Variants in THSD4 observed in about 807,000 individuals in gnomAD.
THSD4 encodes the protein thrombospondin type 1 domain containing 4, also known as thrombospondin type-1 domain-containing protein 4.
Under a neutral mutation model 119.0 loss-of-function variants are expected in THSD4, and 69 were observed. That is an observed-to-expected ratio of 0.58 (90% CI 0.48 to 0.71). The LOEUF is 0.71. Ranked by LOEUF, THSD4 falls within the 30% of genes least tolerant of loss-of-function variation. THSD4 has a pLI of 0.00. For missense variants in THSD4, 1,393 were observed against 1,391.1 expected (o/e 1.00, Z -0.02); for synonymous variants, 524 against 540.4 (o/e 0.97, Z 0.42).
intron 7 of THSD4, among the ~76,000 whole-genome samples, chr15:71,558,699 G>A (rs1373432038): frequency 6.6e-6 from 1 of 152,078 alleles, no homozygotes; most frequent in Non-Finnish European, 1.5e-5. Context: ...TTGGACTTCT[G>A]GGCTCAAGCA....
intron 7 of THSD4, among the ~76,000 whole-genome samples, chr15:71,470,363 A>G (rs2047558414): frequency 6.6e-6 from 1 of 152,192 alleles, no homozygotes; most frequent in South Asian, 2.1e-4. Flanking sequence ...GACTACTTGG[A>G]GCCATGTGAA....
In THSD4 at chr15:71,745,187, A is replaced by T. The variant is rs750664222; in HGVS notation, c.1988A>T (p.Lys663Met). 16 of 1,613,220 alleles carry T rather than the reference A, an allele frequency of 9.9e-6. No homozygotes were observed. The highest frequency in any genetic ancestry group is 1.9e-4 in the Middle Eastern group (1 of 5,356). The change falls in exon 12 of 18, where the codon AAG (lysine) becomes ATG (methionine). Residue 663 changes from lysine (K) to methionine (M), a missense_variant. By Grantham distance (95) the Lys-to-Met change is moderately conservative. Transcript: ENST00000261862. ...GAGAGTTACTGTGACTCCAGCATGAAGCCGACCCCCGAGGAGGAGCCCTGC... is the reference window on the plus strand; with the variant it reads ...GAGAGTTACTGTGACTCCAGCATGATGCCGACCCCCGAGGAGGAGCCCTGC... ...APESYCDSSM[K>M]PTPEEEPCNI...
At chr15:71,519,030 T>C (rs1011183971) in intron 7 of THSD4, among the ~76,000 whole-genome samples, 6 of 152,270 alleles carry the variant, frequency 3.9e-5, no homozygotes, top group Admixed American at 1.3e-4. Flanking sequence ...ATAAGAACAA[T>C]AGATGGAGTA....
At position 71,746,866 on chromosome 15, in the gene THSD4, A is replaced by T. The variant is rs767654881; in HGVS notation, c.2065A>T (p.Ser689Cys). The change falls in exon 13 of 18, where the codon AGC (serine) becomes TGC (cysteine). Residue 689 changes from serine (S) to cysteine (C), a missense_variant. Transcript: ENST00000261862. ...FWDIGEWSEC[S>C]KTCGLGMQHR... is the part of the protein sequence containing the mutation. ...GGACATCGGGGAGTGGTCTGAGTGCAGCAAGACCTGTGGCCTGGGCATGCA... is the reference window on the plus strand; with the variant it reads ...GGACATCGGGGAGTGGTCTGAGTGCTGCAAGACCTGTGGCCTGGGCATGCA... 1 of 1,614,086 alleles carries T rather than the reference A, an allele frequency of 6.2e-7. No individual in the cohort carries two copies. Among genetic ancestry groups the T allele is most frequent in the Non-Finnish European group, 8.5e-7 (1 of 1,180,032 alleles).
chr15:71,685,820 C>T (rs2051896111), intron 8 of THSD4, among the ~76,000 whole-genome samples: 1 of 147,388 alleles, frequency 6.8e-6, no homozygotes, highest in Non-Finnish European at 1.5e-5. Context: ...TCTTTATACT[C>T]ATGAGTAAGA....
intron 15 of THSD4, among the ~76,000 whole-genome samples, chr15:71,760,192 G>A (rs887362499): frequency 6.6e-6 from 1 of 152,206 alleles, no homozygotes; most frequent in Admixed American, 6.5e-5. Context: ...AGGTGGATGT[G>A]TGACCCAAGC....
rs149319924 is a variant in THSD4 at position 71,269,934 on chromosome 15, C to T, written c.1015+13219C>T. 1.5e-3 allele frequency among the ~76,000 whole-genome samples: 234 copies of T among 152,230 alleles called. 11 individuals are homozygous for T. The South Asian group carries it at 0.047, about 31-fold the overall frequency. On this transcript the variant is annotated intron_variant, in intron 6 of 17. Transcript: ENST00000261862. ...CTTCAAGGAGAACTACAAACCACTG[C>T]TCAAGGAAATAAGAGAGGACACAAA...
chr15:71,470,975 G>A (rs1254632935), intron 7 of THSD4, among the ~76,000 whole-genome samples: 2 of 152,244 alleles, frequency 1.3e-5, no homozygotes, highest in East Asian at 3.8e-4. Context: ...TGAAAGTTTT[G>A]CAGTATGTTT....
At chr15:71,486,611 G>GTTTTTTTTTTTTTTT (rs200120589) in intron 7 of THSD4, among the ~76,000 whole-genome samples, 1 of 131,710 alleles carries the variant, frequency 7.6e-6, no homozygotes, top group African/African-American at 2.9e-5. Flanking sequence ...TTTCTTTTCT[G>GTTTTTTTTTTTTTTT]TTTTTTTTTT....
intron 3 of THSD4, among the ~76,000 whole-genome samples, chr15:71,201,962 A>T (rs1263153354): frequency 6.6e-6 from 1 of 152,180 alleles, no homozygotes; most frequent in Non-Finnish European, 1.5e-5. Context: ...CTGGGGCCAG[A>T]AGGTTCAGAT....
Position 71,508,109 on chromosome 15 carries a change from T to A in THSD4, c.1152+96286T>A, listed in dbSNP as rs181889781. On this transcript the variant is annotated intron_variant, in intron 7 of 17. Coordinates refer to ENST00000261862, the MANE Select transcript of THSD4 (RefSeq NM_024817.3). Reference sequence around the variant, plus strand: ...AGGGGGCGGGAGGACCACTTAATGATTCAGTGAAATGGGAACTGTCTAGAC... The same window carrying A: ...AGGGGGCGGGAGGACCACTTAATGAATCAGTGAAATGGGAACTGTCTAGAC... 1.8e-3 allele frequency among the ~76,000 whole-genome samples: 279 copies of A among 152,312 alleles called. 1 individual carries two copies. Among genetic ancestry groups the A allele is most frequent in the Non-Finnish European group, 2.8e-3 (189 of 68,026 alleles).
chr15:71,412,292 T>C (rs2046700613), intron 7 of THSD4, among the ~76,000 whole-genome samples: 1 of 152,210 alleles, frequency 6.6e-6, no homozygotes, highest in Non-Finnish European at 1.5e-5. Context: ...GCAGAAGTTG[T>C]ACTTTAAACA....
chr15:71,322,701 G>A (rs1458484525), intron 6 of THSD4, among the ~76,000 whole-genome samples: 4 of 152,172 alleles, frequency 2.6e-5, no homozygotes, highest in Non-Finnish European at 5.9e-5. Flanking sequence ...GGTGCTGGCT[G>A]TGGGCAGGAG....
intron 6 of THSD4, among the ~76,000 whole-genome samples, chr15:71,362,129 A>G (rs1566954543): frequency 6.6e-6 from 1 of 152,112 alleles, no homozygotes; most frequent in Non-Finnish European, 1.5e-5. Flanking sequence ...ATACAAAATA[A>G]TTAGCTGGGC....
intron 10 of THSD4, among the ~76,000 whole-genome samples, chr15:71,737,098 C>G (rs750760249): frequency 2.6e-5 from 4 of 152,174 alleles, no homozygotes; most frequent in Non-Finnish European, 4.4e-5. Context: ...TTAACCAGTA[C>G]CACTGGTGAA....
intron 3 of THSD4, among the ~76,000 whole-genome samples, chr15:71,166,619 G>T (rs544324577): frequency 2.0e-5 from 3 of 152,228 alleles, no homozygotes; most frequent in African/African-American, 7.2e-5. Flanking sequence ...GTGGCAGAGG[G>T]AGGATATCTC....
At chr15:71,235,963 G>A (rs185637545) in intron 4 of THSD4, among the ~76,000 whole-genome samples, 4 of 152,238 alleles carry the variant, frequency 2.6e-5, no homozygotes, top group Middle Eastern at 3.4e-3. Flanking sequence ...CTTTCCACGC[G>A]GGCAGGGGTG....
At chr15:71,106,445 G>GT (rs1446669388) in intron 1 of THSD4, among the ~76,000 whole-genome samples, 1 of 152,118 alleles carries the variant, frequency 6.6e-6, no homozygotes, top group Admixed American at 6.5e-5. Context: ...TGTTGGGGGA[G>GT]TTTTTTCAGA....
chr15:71,305,507 T>TA (rs1248296904), intron 6 of THSD4, among the ~76,000 whole-genome samples: 2 of 152,162 alleles, frequency 1.3e-5, no homozygotes, highest in African/African-American at 4.8e-5. Flanking sequence ...GCCAGACACA[T>TA]ACAAGTTCCT....
Sources: gnomAD v4.1 joint callset for allele counts (sites outside exome capture counted in the v4.1 genomes callset) on GRCh38, gnomAD v4.1.1 for gene constraint, MANE v1.5 for transcripts, NCBI Gene and HGNC (gene_info 2026-07-23, HGNC 2026-07-21) for gene names.